Variants in RBMS1 observed in about 807,000 individuals in gnomAD.
RBMS1 encodes the protein RNA-binding motif, single-stranded-interacting protein 1.
Under a neutral mutation model 62.3 loss-of-function variants are expected in RBMS1, and 17 were observed. That is an observed-to-expected ratio of 0.27 (90% confidence interval 0.19 to 0.41). The LOEUF (loss-of-function observed/expected upper bound fraction) is 0.41. RBMS1 is among the 10% of genes least tolerant of loss of function. RBMS1 has a pLI of 1.00. For missense variants in RBMS1, 334 were observed against 504.5 expected (o/e 0.66, Z 3.24); for synonymous variants, 172 against 170.0 (o/e 1.01, Z -0.09).
At chr2:160,297,275 A>G (rs1378621750) in intron 6 of RBMS1, among the ~76,000 whole-genome samples, 1 of 152,120 alleles carries the variant, frequency 6.6e-6, no homozygotes, top group Non-Finnish European at 1.5e-5. Context: ...CCTCCCCCTC[A>G]AAGCAAGGTG....
At chr2:160,468,877 T>C (rs1559590566) in intron 1 of RBMS1, among the ~76,000 whole-genome samples, 1 of 152,218 alleles carries the variant, frequency 6.6e-6, no homozygotes, top group African/African-American at 2.4e-5. Context: ...ATATTATTTG[T>C]TAGCATTAGT....
intron 1 of RBMS1, among the ~76,000 whole-genome samples, chr2:160,426,246 AAAG>A (rs1360932998): frequency 8.1e-6 from 1 of 123,448 alleles, no homozygotes; most frequent in African/African-American, 3.1e-5. Context: ...AGAAAGAAAG[AAAG>A]AAAGAAAGAA....
chr2:160,414,133 A>G (rs1218201311), intron 1 of RBMS1, among the ~76,000 whole-genome samples: 1 of 152,228 alleles, frequency 6.6e-6, no homozygotes, highest in Admixed American at 6.5e-5. Context: ...TTGTAAAAGC[A>G]TGTGGATTTA....
chr2:160,439,865 C>T (rs1683327300), intron 1 of RBMS1, among the ~76,000 whole-genome samples: 1 of 152,094 alleles, frequency 6.6e-6, no homozygotes. Flanking sequence ...CCAGCCCGGC[C>T]AACACAGCGA....
chr2:160,292,405 C>T (rs184188744), intron 6 of RBMS1, among the ~76,000 whole-genome samples: 1 of 152,288 alleles, frequency 6.6e-6, no homozygotes, highest in East Asian at 1.9e-4. Context: ...TATGGCTCCT[C>T]CTCTTGTTTT....
chr2:160,451,669 T>G (rs1209065565), intron 1 of RBMS1, among the ~76,000 whole-genome samples: 17 of 152,144 alleles, frequency 1.1e-4, no homozygotes, highest in Non-Finnish European at 1.9e-4. Context: ...AGTGCAGTGG[T>G]GCAATCTCGG....
At chr2:160,399,388 G>A (rs1695319115) in intron 1 of RBMS1, among the ~76,000 whole-genome samples, 1 of 152,108 alleles carries the variant, frequency 6.6e-6, no homozygotes, top group Non-Finnish European at 1.5e-5. Flanking sequence ...CAATTTAACT[G>A]ACTTCTTTTG....
At chr2:160,324,812 A>G (rs1436659985) in intron 2 of RBMS1, among the ~76,000 whole-genome samples, 1 of 149,684 alleles carries the variant, frequency 6.7e-6, no homozygotes, top group Non-Finnish European at 1.5e-5. Context: ...TAATAAAAGT[A>G]ATTACTTACA....
intron 1 of RBMS1, among the ~76,000 whole-genome samples, chr2:160,419,314 C>T (rs1479042772): frequency 6.6e-6 from 1 of 152,106 alleles, no homozygotes; most frequent in African/African-American, 2.4e-5. Flanking sequence ...ACTATAGGAA[C>T]TGTTTTCCTC....
At chr2:160,410,418 G>T (rs188462399) in intron 1 of RBMS1, among the ~76,000 whole-genome samples, 1 of 151,816 alleles carries the variant, frequency 6.6e-6, no homozygotes, top group African/African-American at 2.4e-5. Context: ...CTTAAGTAAA[G>T]CATTACAAAG....
chr2:160,356,197 C>G (rs1274473072), intron 2 of RBMS1, among the ~76,000 whole-genome samples: 1 of 152,108 alleles, frequency 6.6e-6, no homozygotes, highest in Non-Finnish European at 1.5e-5. Context: ...GCACATTAGA[C>G]AGCTAACCAG....
intron 2 of RBMS1, among the ~76,000 whole-genome samples, chr2:160,343,823 T>C (rs554616363): frequency 2.6e-5 from 4 of 152,302 alleles, no homozygotes; most frequent in Non-Finnish European, 5.9e-5. Context: ...TGATGCGTTA[T>C]TAATTTAGCA....
At chr2:160,449,023 AC>A (rs1433955275) in intron 1 of RBMS1, among the ~76,000 whole-genome samples, 1 of 146,688 alleles carries the variant, frequency 6.8e-6, no homozygotes, top group Non-Finnish European at 1.5e-5. Flanking sequence ...CTGCCCGGCC[AC>A]CCTGTCTGAG....
chr2:160,478,200 T>G (rs1026745974), intron 1 of RBMS1, among the ~76,000 whole-genome samples: 1 of 152,246 alleles, frequency 6.6e-6, no homozygotes, highest in Non-Finnish European at 1.5e-5. Flanking sequence ...AGCACGATTT[T>G]AAATTGTCCA....
chr2:160,482,254 G>T (rs1685400675), intron 1 of RBMS1, among the ~76,000 whole-genome samples: 1 of 152,076 alleles, frequency 6.6e-6, no homozygotes, highest in African/African-American at 2.4e-5. Context: ...TACAAGAATG[G>T]ATACAACCAA....
chr2:160,378,855 C>G (rs75927901), intron 1 of RBMS1, among the ~76,000 whole-genome samples: 3,225 of 152,312 alleles, frequency 0.021, 120 homozygotes, highest in African/African-American at 0.072. Context: ...GTGAACTCCA[C>G]TGTTTGCTTC....
intron 1 of RBMS1, among the ~76,000 whole-genome samples, chr2:160,481,804 G>A (rs1414611274): frequency 6.6e-6 from 1 of 152,090 alleles, no homozygotes; most frequent in African/African-American, 2.4e-5. Context: ...AAACCACAAT[G>A]AGATATCCAC....
chr2:160,275,606 G>GT, intron 13 of RBMS1, 24 bp downstream of exon 13: 1 of 1,610,496 alleles, frequency 6.2e-7, no homozygotes, highest in South Asian at 1.1e-5. Flanking sequence ...GAGCCCCCCA[G>GT]TTATGAAGAC....
chr2:160,301,832 A>C (rs1370394395), intron 5 of RBMS1, among the ~76,000 whole-genome samples: 2 of 152,204 alleles, frequency 1.3e-5, no homozygotes, highest in East Asian at 1.9e-4. Flanking sequence ...CTTCTATATA[A>C]AACAACATAA....
Sources: gnomAD v4.1 joint callset for allele counts (sites outside exome capture counted in the v4.1 genomes callset) on GRCh38, gnomAD v4.1.1 for gene constraint, MANE v1.5 for transcripts, NCBI Gene and HGNC (gene_info 2026-07-23, HGNC 2026-07-21) for gene names.